Variants in GPC6 observed in about 807,000 individuals in gnomAD.
GPC6 encodes the protein glypican 6.
In GPC6, 14 loss-of-function variants were observed where a neutral mutation model predicts 55.2. The observed-to-expected ratio is 0.25, with a 90% CI of 0.17 to 0.40. The LOEUF (loss-of-function observed/expected upper bound fraction) is 0.40. Ranked by LOEUF, GPC6 falls within the 10% of genes least tolerant of loss-of-function variation. The pLI is 1.00. For missense variants in GPC6, 641 were observed against 708.5 expected, an observed-to-expected ratio of 0.90 and a Z score of 1.08; for synonymous variants, 278 against 259.6, an observed-to-expected ratio of 1.07 and a Z score of -0.68.
intron 4 of GPC6, among the ~76,000 whole-genome samples, chr13:94,078,191 G>A (rs1255088425): frequency 6.6e-5 from 10 of 151,800 alleles, no homozygotes; most frequent in Admixed American, 4.6e-4. Flanking sequence ...AAATCAAAAG[G>A]CAAATCCAAA....
chr13:93,778,088 T>C (rs1220190487), intron 2 of GPC6, among the ~76,000 whole-genome samples: 1 of 152,178 alleles, frequency 6.6e-6, no homozygotes, highest in Non-Finnish European at 1.5e-5. Context: ...TCATTTCATT[T>C]CCTAGCTGTC....
chr13:93,539,766 A>T (rs1258461970), intron 1 of GPC6, among the ~76,000 whole-genome samples: 3 of 149,780 alleles, frequency 2.0e-5, no homozygotes, highest in Admixed American at 1.3e-4. Context: ...ACCTCAGCTC[A>T]CTGCAGCCTC....
At chr13:94,344,859 A>G (rs891580833) in intron 6 of GPC6, among the ~76,000 whole-genome samples, 20 of 152,198 alleles carry the variant, frequency 1.3e-4, no homozygotes, top group African/African-American at 4.6e-4. Context: ...CTTATTCAAT[A>G]TATTCTGGAT....
chr13:93,414,879 C>T (rs1876641030), intron 1 of GPC6, among the ~76,000 whole-genome samples: 1 of 152,024 alleles, frequency 6.6e-6, no homozygotes, highest in South Asian at 2.1e-4. Flanking sequence ...TGTTTTAATG[C>T]ACCTATTTTG....
chr13:94,221,874 A>G (rs1017686337), intron 4 of GPC6, among the ~76,000 whole-genome samples: 1 of 152,114 alleles, frequency 6.6e-6, no homozygotes, highest in African/African-American at 2.4e-5. Context: ...GCTCATTTGC[A>G]TTAATTAAAC....
At chr13:93,974,570 C>T (rs979766857) in intron 3 of GPC6, among the ~76,000 whole-genome samples, 4 of 151,996 alleles carry the variant, frequency 2.6e-5, no homozygotes, top group Non-Finnish European at 5.9e-5. Flanking sequence ...AAAGTTTTAT[C>T]CTCAGTATGG....
intron 4 of GPC6, among the ~76,000 whole-genome samples, chr13:94,131,222 A>G (rs554534303): frequency 6.6e-6 from 1 of 151,952 alleles, no homozygotes; most frequent in Non-Finnish European, 1.5e-5. Flanking sequence ...ATAAGTATAT[A>G]TTTTCTGGAA....
At chr13:94,345,941 CTAAGCTTCTAGTGAAACTTCTAGAACTA>C (rs1878263933) in intron 6 of GPC6, among the ~76,000 whole-genome samples, 1 of 152,104 alleles carries the variant, frequency 6.6e-6, no homozygotes, top group African/African-American at 2.4e-5. Flanking sequence ...CAGGCCTTCT[CTAAGCTTCTAGTGAAACTTCTAGAACTA>C]GAAGCTTCTC....
chr13:94,021,277 T>C (rs1236803785), intron 3 of GPC6, among the ~76,000 whole-genome samples: 2 of 151,604 alleles, frequency 1.3e-5, no homozygotes, highest in African/African-American at 4.8e-5. Context: ...TATATATATA[T>C]ATACTTTTAA....
chr13:94,342,500 A>C (rs1878092804), intron 6 of GPC6, among the ~76,000 whole-genome samples: 1 of 152,186 alleles, frequency 6.6e-6, no homozygotes, highest in Non-Finnish European at 1.5e-5. Flanking sequence ...AGATGTTAGG[A>C]GAGAGCAGTG....
intron 6 of GPC6, among the ~76,000 whole-genome samples, chr13:94,330,665 A>T (rs898037352): frequency 2.0e-5 from 3 of 152,198 alleles, no homozygotes; most frequent in African/African-American, 7.2e-5. Flanking sequence ...TCGTAGGTAC[A>T]TCATGCTAAG....
At chr13:93,944,039 C>CT (rs776462631) in intron 3 of GPC6, among the ~76,000 whole-genome samples, 1 of 152,162 alleles carries the variant, frequency 6.6e-6, no homozygotes, top group Non-Finnish European at 1.5e-5. Context: ...CCTGCTAGCG[C>CT]TACATGCTTC....
At chr13:93,722,301 T>C (rs892493146) in intron 2 of GPC6, among the ~76,000 whole-genome samples, 18 of 151,922 alleles carry the variant, frequency 1.2e-4, no homozygotes, top group Admixed American at 1.1e-3. Context: ...CACCGGTATT[T>C]ATTAAGTAAC....
chr13:94,117,564 T>A (rs1357915576), intron 4 of GPC6, among the ~76,000 whole-genome samples: 2 of 152,084 alleles, frequency 1.3e-5, no homozygotes, highest in Non-Finnish European at 2.9e-5. Context: ...GCAAATCAAG[T>A]CATCCTGTTT....
intron 2 of GPC6, among the ~76,000 whole-genome samples, chr13:93,581,424 C>T (rs1045495451): frequency 2.0e-5 from 3 of 152,110 alleles, no homozygotes; most frequent in Non-Finnish European, 4.4e-5. Context: ...AAAATAAAAT[C>T]TCCGCCAGGT....
At chr13:93,937,647 C>T (rs1051410564) in intron 3 of GPC6, among the ~76,000 whole-genome samples, 6 of 152,090 alleles carry the variant, frequency 3.9e-5, no homozygotes, top group Non-Finnish European at 8.8e-5. Flanking sequence ...GACTTCATCT[C>T]GGCTCACTGC....
chr13:93,728,729 G>A (rs1218748490), intron 2 of GPC6, among the ~76,000 whole-genome samples: 4 of 151,986 alleles, frequency 2.6e-5, no homozygotes, highest in Middle Eastern at 3.4e-3. Context: ...ACCATGCCTG[G>A]CTAATTTTTG....
chr13:93,750,796 G>C (rs770671443), intron 2 of GPC6, among the ~76,000 whole-genome samples: 4 of 152,192 alleles, frequency 2.6e-5, no homozygotes, highest in Non-Finnish European at 5.9e-5. Context: ...CCAGGCATTT[G>C]GTAGCTGCTT....
chr13:93,217,288 T>C, the GPC6 span, among the ~76,000 whole-genome samples: 2 of 152,262 alleles, frequency 1.3e-5, no homozygotes, highest in Non-Finnish European at 2.9e-5. Flanking sequence ...CCAAATAGTT[T>C]TAAACACTTT....
Sources: allele counts gnomAD v4.1 joint callset (sites outside exome capture counted in the v4.1 genomes callset), GRCh38; gene constraint gnomAD v4.1.1; transcripts MANE v1.5; gene names NCBI Gene and HGNC (gene_info 2026-07-23, HGNC 2026-07-21).